Variants in ZNF385D observed in about 807,000 individuals in gnomAD.
The protein encoded by ZNF385D is zinc finger protein 659.
Under a neutral mutation model 35.8 loss-of-function variants are expected in ZNF385D, and 15 were observed. The ratio of observed to expected loss-of-function variants is 0.42; its 90% CI spans 0.28 to 0.64. The LOEUF (loss-of-function observed/expected upper bound fraction) is 0.64, where lower values mean the gene tolerates loss of function less well. Ranked by LOEUF, ZNF385D falls within the 30% of genes least tolerant of loss-of-function variation. The pLI, the probability that ZNF385D is intolerant of heterozygous loss-of-function variation, is 0.23. For missense variants in ZNF385D, 474 were observed against 494.6 expected, an observed-to-expected ratio of 0.96 and a Z score of 0.39; for synonymous variants, 212 against 186.8, an observed-to-expected ratio of 1.13 and a Z score of -1.10.
chr3:21,538,467 A>T (rs879887228), intron 3 of ZNF385D, among the ~76,000 whole-genome samples: 1 of 152,126 alleles, frequency 6.6e-6, no homozygotes, highest in Non-Finnish European at 1.5e-5. Context: ...GTGACCTAGG[A>T]GTTTGTTTAA....
At chr3:22,140,271 C>G (rs1704422600) in intron 3 of ZNF385D, among the ~76,000 whole-genome samples, 1 of 152,090 alleles carries the variant, frequency 6.6e-6, no homozygotes, top group Non-Finnish European at 1.5e-5. Context: ...TTATTGATAA[C>G]ACAACATAGA....
At chr3:22,076,333 C>A (rs1008308928) in intron 3 of ZNF385D, among the ~76,000 whole-genome samples, 1 of 151,898 alleles carries the variant, frequency 6.6e-6, no homozygotes, top group South Asian at 2.1e-4. Context: ...TTGGTCACTT[C>A]GGTCCAGTCT....
chr3:21,735,564 C>T (rs762851291), intron 1 of ZNF385D, among the ~76,000 whole-genome samples: 135 of 152,182 alleles, frequency 8.9e-4, no homozygotes, highest in Non-Finnish European at 1.7e-3. Flanking sequence ...TACACAGTCA[C>T]CAGGATGGGG....
At chr3:21,502,777 T>C (rs576837351) in intron 4 of ZNF385D, among the ~76,000 whole-genome samples, 1 of 152,246 alleles carries the variant, frequency 6.6e-6, no homozygotes, top group South Asian at 2.1e-4. Flanking sequence ...TCACACATCT[T>C]GAGAAGGGAA....
chr3:22,310,996 A>C (rs1703510288), intron 2 of ZNF385D, among the ~76,000 whole-genome samples: 1 of 151,848 alleles, frequency 6.6e-6, no homozygotes, highest in Non-Finnish European at 1.5e-5. Context: ...TTTCCTTTGT[A>C]GTATCATACG....
chr3:22,129,467 G>C (rs965844263), intron 3 of ZNF385D, among the ~76,000 whole-genome samples: 6 of 149,952 alleles, frequency 4.0e-5, no homozygotes, highest in African/African-American at 1.5e-4. Flanking sequence ...CCATGAGCTA[G>C]GGACTGGTAT....
intron 3 of ZNF385D, among the ~76,000 whole-genome samples, chr3:21,757,734 C>G (rs975200460): frequency 4.6e-5 from 7 of 152,136 alleles, no homozygotes; most frequent in African/African-American, 1.7e-4. Context: ...CCTCTTTCAC[C>G]TTTATCTCAT....
chr3:22,062,729 G>A (rs1347311885), intron 3 of ZNF385D, among the ~76,000 whole-genome samples: 2 of 152,154 alleles, frequency 1.3e-5, no homozygotes, highest in African/African-American at 4.8e-5. Flanking sequence ...TATGGTTTGT[G>A]GGAGTTGGTC....
chr3:21,475,949 A>T (rs1016073702), intron 4 of ZNF385D, among the ~76,000 whole-genome samples: 1 of 151,002 alleles, frequency 6.6e-6, no homozygotes, highest in Non-Finnish European at 1.5e-5. Context: ...GTGTATCTCT[A>T]TGTATTTTGC....
intron 3 of ZNF385D, among the ~76,000 whole-genome samples, chr3:22,073,187 T>C (rs1291433513): frequency 1.3e-5 from 2 of 152,044 alleles, no homozygotes; most frequent in Non-Finnish European, 2.9e-5. Flanking sequence ...ATCTAGACCT[T>C]TGCTGTGTTT....
At chr3:21,891,472 G>A (rs891962501) in intron 3 of ZNF385D, among the ~76,000 whole-genome samples, 3 of 152,046 alleles carry the variant, frequency 2.0e-5, no homozygotes, top group Non-Finnish European at 4.4e-5. Context: ...CCTTATCATT[G>A]TCACACACCT....
chr3:21,931,005 A>T (rs925067550), intron 3 of ZNF385D, among the ~76,000 whole-genome samples: 1 of 152,154 alleles, frequency 6.6e-6, no homozygotes, highest in Non-Finnish European at 1.5e-5. Flanking sequence ...AAAGGACCCT[A>T]TGAAGACAAT....
chr3:22,016,934 G>GCACA (rs1696923132), intron 3 of ZNF385D, among the ~76,000 whole-genome samples: 1 of 132,764 alleles, frequency 7.5e-6, no homozygotes, highest in African/African-American at 3.1e-5. Context: ...TCCATCCATC[G>GCACA]GACACACACA....
chr3:21,967,321 G>A (rs1346385203), intron 3 of ZNF385D, among the ~76,000 whole-genome samples: 1 of 152,080 alleles, frequency 6.6e-6, no homozygotes, highest in Non-Finnish European at 1.5e-5. Flanking sequence ...TGTCTTATAT[G>A]TTGGCAGCAG....
At chr3:21,740,691 TG>T (rs2069471515) in intron 1 of ZNF385D, among the ~76,000 whole-genome samples, 2 of 152,246 alleles carry the variant, frequency 1.3e-5, no homozygotes, top group African/African-American at 4.8e-5. Context: ...ACCCAGGCTT[TG>T]AACTCAGACT....
At chr3:21,892,834 A>G (rs1233303056) in intron 3 of ZNF385D, among the ~76,000 whole-genome samples, 1 of 152,174 alleles carries the variant, frequency 6.6e-6, no homozygotes, top group Non-Finnish European at 1.5e-5. Flanking sequence ...TAAACCATGC[A>G]TTGTGGATTG....
chr3:21,622,937 T>C (rs552729646), intron 2 of ZNF385D, among the ~76,000 whole-genome samples: 10 of 151,892 alleles, frequency 6.6e-5, no homozygotes, highest in Non-Finnish European at 1.5e-4. Flanking sequence ...AAAAAGAAAA[T>C]GCTTATTAGC....
chr3:21,891,599 G>A (rs1371268068), intron 3 of ZNF385D, among the ~76,000 whole-genome samples: 2 of 152,148 alleles, frequency 1.3e-5, no homozygotes, highest in Non-Finnish European at 2.9e-5. Flanking sequence ...CCAGCACACA[G>A]GAAATAATAA....
chr3:21,814,461 T>C (rs1230068757), intron 3 of ZNF385D, among the ~76,000 whole-genome samples: 3 of 152,068 alleles, frequency 2.0e-5, no homozygotes, highest in Non-Finnish European at 4.4e-5. Flanking sequence ...GAGACACAGA[T>C]AGGCTCAAAA....
Sources: allele counts gnomAD v4.1 joint callset (sites outside exome capture counted in the v4.1 genomes callset), GRCh38; gene constraint gnomAD v4.1.1; transcripts MANE v1.5; gene names NCBI Gene and HGNC (gene_info 2026-07-23, HGNC 2026-07-21).